The following CFAP61 variants were observed in gnomAD, a reference collection of about 807,000 sequenced individuals.
CFAP61 encodes cilia and flagella associated protein 61.
CFAP61 carries 107 observed loss-of-function variants against 135.6 expected under a neutral mutation model. The observed-to-expected ratio is 0.79, with a 90% CI of 0.67 to 0.93. The LOEUF (loss-of-function observed/expected upper bound fraction) is 0.93. Ranked by LOEUF, CFAP61 falls within the 40% of genes least tolerant of loss-of-function variation. The pLI is 0.00. For missense variants in CFAP61, 1,507 were observed against 1,556.2 expected (o/e 0.97, Z 0.53); for synonymous variants, 575 against 578.5 (o/e 0.99, Z 0.09).
intron 18 of CFAP61, among the ~76,000 whole-genome samples, chr20:20,238,841 T>C (rs1041676044): frequency 6.6e-6 from 1 of 152,240 alleles, no homozygotes; most frequent in African/African-American, 2.4e-5. Context: ...CAAGTATCTT[T>C]GAGCTGTTCC....
chr20:20,192,117 G>T (rs989130326), intron 15 of CFAP61, among the ~76,000 whole-genome samples: 7 of 151,798 alleles, frequency 4.6e-5, no homozygotes, highest in African/African-American at 1.5e-4. Flanking sequence ...TAATATAATT[G>T]TACCTACGTG....
chr20:20,235,771 G>C lies in CFAP61; in HGVS notation c.2060+7395G>C, dbSNP rs752478648. ...CAACTTACAGCATTTGATGTTGGGT[G>C]GAAATTTGGAAGGGAAGCCCAGAAA... On this transcript the variant is annotated intron_variant, in intron 18 of 26. Coordinates refer to ENST00000245957, the MANE Select transcript of CFAP61 (RefSeq NM_015585.4). Among the ~76,000 whole-genome samples, 6 of 152,170 alleles carry C rather than the reference G, an allele frequency of 3.9e-5. No individual in the cohort carries two copies. The East Asian group carries it at 1.2e-3, about 29-fold the overall frequency.
intron 25 of CFAP61, among the ~76,000 whole-genome samples, chr20:20,314,116 G>T (rs2056975355): frequency 6.6e-6 from 1 of 151,136 alleles, no homozygotes; most frequent in Non-Finnish European, 1.5e-5. Flanking sequence ...GAGTGCAGTG[G>T]CTCGTGCCTA....
chr20:20,305,426 G>C (rs527614657), intron 25 of CFAP61, among the ~76,000 whole-genome samples: 1 of 152,208 alleles, frequency 6.6e-6, no homozygotes, highest in Non-Finnish European at 1.5e-5. Flanking sequence ...CTTTTGCTGT[G>C]TTCAGTGGTA....
intron 8 of CFAP61, among the ~76,000 whole-genome samples, chr20:20,131,049 C>G (rs2146720097): frequency 6.6e-6 from 1 of 151,898 alleles, no homozygotes; most frequent in Non-Finnish European, 1.5e-5. Flanking sequence ...GGGAAATTTT[C>G]CATACACTTG....
At chr20:20,054,013 G>GTTTTTTTTTTTTTTTTTTTTTTTTGTTT (rs1239349657) in intron 1 of CFAP61, among the ~76,000 whole-genome samples, 1 of 59,108 alleles carries the variant, frequency 1.7e-5, no homozygotes, top group African/African-American at 6.2e-5. Flanking sequence ...TTTTTTGTTT[G>GTTTTTTTTTTTTTTTTTTTTTTTTGTTT]TTTTTTTTTT....
intron 25 of CFAP61, among the ~76,000 whole-genome samples, chr20:20,310,700 A>G (rs572511466): frequency 1.3e-5 from 2 of 152,306 alleles, no homozygotes; most frequent in Admixed American, 1.3e-4. Flanking sequence ...AATTTGTGGA[A>G]CTGAGAAACT....
At chr20:20,137,372 C>T (rs1428465252) in intron 8 of CFAP61, among the ~76,000 whole-genome samples, 1 of 152,238 alleles carries the variant, frequency 6.6e-6, no homozygotes, top group Non-Finnish European at 1.5e-5. Context: ...TCCAGAGATG[C>T]TGTCTGGGAG....
At chr20:20,325,857 C>T (rs1420654625) in intron 25 of CFAP61, among the ~76,000 whole-genome samples, 4 of 152,180 alleles carry the variant, frequency 2.6e-5, no homozygotes, top group Non-Finnish European at 5.9e-5. Context: ...CCTGTTGTTC[C>T]ACATCCATGT....
At chr20:20,257,052 A>G (rs1311368356) in intron 20 of CFAP61, among the ~76,000 whole-genome samples, 1 of 152,230 alleles carries the variant, frequency 6.6e-6, no homozygotes, top group Non-Finnish European at 1.5e-5. Context: ...CAAAAGAAAA[A>G]TAACAGATTA....
intron 9 of CFAP61, among the ~76,000 whole-genome samples, chr20:20,154,771 C>T (rs1448582651): frequency 1.3e-5 from 2 of 152,028 alleles, no homozygotes; most frequent in Non-Finnish European, 2.9e-5. Flanking sequence ...AAAGACATCA[C>T]TGATGACACA....
At chr20:20,177,690 T>C (rs2054738643) in intron 13 of CFAP61, among the ~76,000 whole-genome samples, 1 of 150,300 alleles carries the variant, frequency 6.7e-6, no homozygotes, top group Admixed American at 6.7e-5. Flanking sequence ...GCCTGCATTC[T>C]AGATGGTGGA....
intron 8 of CFAP61, among the ~76,000 whole-genome samples, chr20:20,138,075 T>C (rs908745982): frequency 1.3e-5 from 2 of 152,052 alleles, no homozygotes; most frequent in South Asian, 2.1e-4. Context: ...AATAGGGACC[T>C]TGTGACTCTG....
intron 6 of CFAP61, among the ~76,000 whole-genome samples, chr20:20,084,401 CCTGCTGCTGCTGCTGCTG>C (rs3060422): frequency 1.7e-4 from 25 of 150,692 alleles, no homozygotes; most frequent in Admixed American, 1.4e-3. Flanking sequence ...GCGGAGGTGG[CCTGCTGCTGCTGCTGCTG>C]CTGCTGCTGC....
Position 20,075,170 on chromosome 20 carries a change from C to T in CFAP61, c.372-19C>T. ...TTGCTTTGTTAGTAACACTGCCCCA[C>T]CCTCTCTTTCCTCACCAGAACCGTG... On this transcript the variant is annotated intron_variant, in intron 4 of 26. Coordinates refer to ENST00000245957, the MANE Select transcript of CFAP61 (RefSeq NM_015585.4). 6.2e-7 allele frequency: 1 copy of T among 1,612,518 alleles called. No homozygotes were observed. The highest frequency in any genetic ancestry group is 1.1e-5 in the South Asian group (1 of 91,044).
chr20:20,134,864 G>C (rs150231562), intron 8 of CFAP61, among the ~76,000 whole-genome samples: 138 of 152,198 alleles, frequency 9.1e-4, no homozygotes, highest in Non-Finnish European at 1.4e-3. Flanking sequence ...AAGCATTTGG[G>C]TAAATACACT....
intron 25 of CFAP61, among the ~76,000 whole-genome samples, chr20:20,299,015 CT>C (rs958232665): frequency 6.6e-6 from 1 of 152,170 alleles, no homozygotes; most frequent in African/African-American, 2.4e-5. Context: ...AGTTAGGAGA[CT>C]TTCCCTATTC....
At chr20:20,273,361 C>A (rs1436142457) in intron 21 of CFAP61, among the ~76,000 whole-genome samples, 7 of 152,156 alleles carry the variant, frequency 4.6e-5, no homozygotes, top group African/African-American at 1.7e-4. Flanking sequence ...ATAACCAGAT[C>A]TAACATCGTT....
chr20:20,112,469 CCCTAT>C (rs771761424), intron 8 of CFAP61, among the ~76,000 whole-genome samples: 205 of 152,092 alleles, frequency 1.3e-3, no homozygotes, highest in Non-Finnish European at 2.5e-3. Flanking sequence ...TTCCATCACT[CCCTAT>C]CCTAATTAAT....
Sources: gnomAD v4.1 joint callset for allele counts (sites outside exome capture counted in the v4.1 genomes callset) on GRCh38, gnomAD v4.1.1 for gene constraint, MANE v1.5 for transcripts, NCBI Gene and HGNC (gene_info 2026-07-23, HGNC 2026-07-21) for gene names.